The following CNTNAP2 variants were observed in gnomAD, a reference collection of about 807,000 sequenced individuals.
CNTNAP2 encodes the protein contactin-associated protein-like 2.
CNTNAP2 carries 98 observed loss-of-function variants against 155.2 expected under a neutral mutation model. That is an observed-to-expected ratio of 0.63 (90% CI 0.54 to 0.75). CNTNAP2 has a LOEUF of 0.75. Ranked by LOEUF, CNTNAP2 falls within the 30% of genes least tolerant of loss-of-function variation. The probability of loss-of-function intolerance (pLI) is 0.00; values close to 1 mark genes in which losing one functional copy is unlikely to be tolerated. For synonymous variants in CNTNAP2, 651 were observed against 631.2 expected, an observed-to-expected ratio of 1.03 and a Z score of -0.47; for missense variants, 1,727 against 1,688.1, an observed-to-expected ratio of 1.02 and a Z score of -0.40.
In CNTNAP2 at chr7:147,807,985, T is replaced by C. The variant is rs144346662; in HGVS notation, c.2099-95580T>C. On this transcript the variant is annotated intron_variant, in intron 13 of 23. Coordinates refer to ENST00000361727, the MANE Select transcript of CNTNAP2 (RefSeq NM_014141.6). ...TTTAGTGATATGTTCACTTTCTTTTTTAAAAAAAAAAAATAAAAAGTAGTT... is the reference window on the plus strand; with the variant it reads ...TTTAGTGATATGTTCACTTTCTTTTCTAAAAAAAAAAAATAAAAAGTAGTT... 8.8e-3 allele frequency among the ~76,000 whole-genome samples: 1,261 copies of C among 142,926 alleles called. 16 individuals carry two copies. Among genetic ancestry groups the C allele is most frequent in the African/African-American group, 0.029 (1,195 of 40,628 alleles). The allele number at this position is 142,926 out of a possible 152,430, so 93.8% of individuals were successfully genotyped here. A position where few individuals can be genotyped will look rare whatever the true frequency, so the allele number is the denominator to read the frequency against.
chr7:147,688,715 A>G (rs1199165811), intron 13 of CNTNAP2, among the ~76,000 whole-genome samples: 2 of 152,114 alleles, frequency 1.3e-5, no homozygotes, highest in African/African-American at 4.8e-5. Flanking sequence ...TAGAGACCAC[A>G]CAAGCCTCTG....
intron 11 of CNTNAP2, among the ~76,000 whole-genome samples, chr7:147,489,912 G>A (rs370832864): frequency 8.5e-4 from 130 of 152,248 alleles, no homozygotes; most frequent in African/African-American, 3.1e-3. Flanking sequence ...ACCATGCCTG[G>A]CCAAACATTC....
chr7:148,006,948 T>C (rs1000222653), intron 15 of CNTNAP2, among the ~76,000 whole-genome samples: 120 of 152,348 alleles, frequency 7.9e-4, no homozygotes, highest in African/African-American at 2.7e-3. Flanking sequence ...CTTAGACTAT[T>C]ACATCTTTGA....
In CNTNAP2 at chr7:147,409,769, T is replaced by C. The variant is rs189132027; in HGVS notation, c.1670+13989T>C. On this transcript the variant is annotated intron_variant, in intron 10 of 23. Coordinates refer to ENST00000361727, the MANE Select transcript of CNTNAP2 (RefSeq NM_014141.6). ...AACAGACACTTTTCACAAGAAGACA[T>C]ACTTGAGATGAACCATCATGAAAAA... is the stretch of plus-strand genomic sequence containing the variant. Among the ~76,000 whole-genome samples, 11 of 150,290 alleles carry C rather than the reference T, an allele frequency of 7.3e-5. No homozygotes were observed. In the East Asian group the frequency reaches 2.2e-3, roughly 29 times the overall value.
chr7:148,116,137 TAAA>T (rs772557174), intron 15 of CNTNAP2, among the ~76,000 whole-genome samples: 2 of 128,202 alleles, frequency 1.6e-5, no homozygotes, highest in Non-Finnish European at 1.7e-5. Context: ...AGACTCTGTC[TAAA>T]AAAAAAAAAA....
At chr7:146,972,288 T>C (rs1163834599) in intron 3 of CNTNAP2, among the ~76,000 whole-genome samples, 1 of 152,226 alleles carries the variant, frequency 6.6e-6, no homozygotes. Context: ...TATGTACATA[T>C]ACAGGTAGCC....
At chr7:146,748,367 G>C (rs772253899) in intron 1 of CNTNAP2, among the ~76,000 whole-genome samples, 12 of 151,834 alleles carry the variant, frequency 7.9e-5, no homozygotes, top group Non-Finnish European at 1.5e-4. Context: ...GGATGGTCTG[G>C]ATCTCCTGAC....
At chr7:148,188,480 T>G (rs936889075) in intron 18 of CNTNAP2, among the ~76,000 whole-genome samples, 2 of 152,190 alleles carry the variant, frequency 1.3e-5, no homozygotes, top group African/African-American at 4.8e-5. Flanking sequence ...CTGAAGCCTG[T>G]TAGTAACAGA....
At chr7:147,825,972 G>A (rs767748887) in intron 13 of CNTNAP2, among the ~76,000 whole-genome samples, 1 of 152,184 alleles carries the variant, frequency 6.6e-6, no homozygotes, top group Non-Finnish European at 1.5e-5. Context: ...CTTGGTTTTT[G>A]TGGAGGGATA....
At chr7:146,521,213 G>A (rs187412224) in intron 1 of CNTNAP2, among the ~76,000 whole-genome samples, 2 of 152,004 alleles carry the variant, frequency 1.3e-5, no homozygotes, top group East Asian at 3.9e-4. Flanking sequence ...TAAAGTCTCT[G>A]TCACAACTAC....
chr7:147,317,361 A>G (rs1795250481), intron 9 of CNTNAP2, among the ~76,000 whole-genome samples: 1 of 152,194 alleles, frequency 6.6e-6, no homozygotes, highest in Non-Finnish European at 1.5e-5. Context: ...TTGTTTAGCA[A>G]TGCAAATTTA....
intron 10 of CNTNAP2, among the ~76,000 whole-genome samples, chr7:147,474,318 G>A (rs1453039831): frequency 6.6e-6 from 1 of 151,936 alleles, no homozygotes; most frequent in Non-Finnish European, 1.5e-5. Flanking sequence ...TCTTGGCCGG[G>A]CACGGTGGCT....
At chr7:147,715,600 G>A (rs893023458) in intron 13 of CNTNAP2, among the ~76,000 whole-genome samples, 1 of 151,994 alleles carries the variant, frequency 6.6e-6, no homozygotes, top group African/African-American at 2.4e-5. Context: ...TACTAGTACT[G>A]TGTGAGATAG....
intron 3 of CNTNAP2, among the ~76,000 whole-genome samples, chr7:146,869,239 T>G (rs2129206869): frequency 6.6e-6 from 1 of 152,312 alleles, no homozygotes; most frequent in East Asian, 1.9e-4. Context: ...GTGTTAAATT[T>G]TATTGAAAGC....
intron 3 of CNTNAP2, among the ~76,000 whole-genome samples, chr7:146,901,203 G>A (rs2129213626): frequency 6.6e-6 from 1 of 152,116 alleles, no homozygotes; most frequent in Admixed American, 6.5e-5. Flanking sequence ...GAATATTATG[G>A]AGAAAATAAT....
intron 15 of CNTNAP2, among the ~76,000 whole-genome samples, chr7:148,045,632 A>G (rs73168567): frequency 0.018 from 2,675 of 152,376 alleles, 43 homozygotes; most frequent in Non-Finnish European, 0.028. Context: ...TAAAATTGTA[A>G]GATTTCGCTA....
intron 1 of CNTNAP2, among the ~76,000 whole-genome samples, chr7:146,732,446 C>T (rs1040403187): frequency 1.3e-5 from 2 of 152,094 alleles, no homozygotes; most frequent in South Asian, 2.1e-4. Context: ...ATGTCAGATG[C>T]TTTTCTCAGC....
At chr7:146,536,450 G>T (rs988410021) in intron 1 of CNTNAP2, among the ~76,000 whole-genome samples, 2 of 151,956 alleles carry the variant, frequency 1.3e-5, no homozygotes, top group African/African-American at 4.8e-5. Flanking sequence ...TTTTGGGCAG[G>T]CTTTTCTCTA....
At chr7:146,208,644 G>A (rs555847185) in intron 1 of CNTNAP2, 1 of 151,984 alleles carries the variant, frequency 6.6e-6, no homozygotes, top group East Asian at 1.9e-4. Flanking sequence ...AATTAGCTGG[G>A]CCCATTGCCA....
Sources: allele counts gnomAD v4.1 joint callset (sites outside exome capture counted in the v4.1 genomes callset), GRCh38; gene constraint gnomAD v4.1.1; transcripts MANE v1.5; gene names NCBI Gene and HGNC (gene_info 2026-07-23, HGNC 2026-07-21).